COL14A1: variants seen among roughly 807,000 people sequenced by gnomAD.
COL14A1 encodes collagen type XIV alpha 1 chain.
Under a neutral mutation model 230.3 loss-of-function variants are expected in COL14A1, and 136 were observed. The observed-to-expected ratio is 0.59, with a 90% CI of 0.51 to 0.68. COL14A1 has a LOEUF of 0.68. Ranked by LOEUF, COL14A1 falls within the 30% of genes least tolerant of loss-of-function variation. The pLI, the probability that COL14A1 is intolerant of heterozygous loss-of-function variation, is 0.00. For missense variants in COL14A1, 1,976 were observed against 2,215.8 expected (o/e 0.89, Z 2.17); for synonymous variants, 792 against 784.1 (o/e 1.01, Z -0.17).
chr8:120,196,706 A>C (rs1817049724), intron 5 of COL14A1, 85 bp from the exon 6 acceptor site: 1 of 1,342,574 alleles, frequency 7.4e-7, no homozygotes, highest in African/African-American at 1.5e-5. Context: ...TCTTAGCACT[A>C]AGTTGTCTAA....
At chr8:120,231,812 A>G (rs1818276672) in intron 19 of COL14A1, 194 bp downstream of exon 19, 2 of 564,876 alleles carry the variant, frequency 3.5e-6, no homozygotes, top group East Asian at 3.0e-5. Flanking sequence ...AACTTGCTCC[A>G]TGTACAACTT....
At chr8:120,138,296 A>G (rs1365876175) in intron 1 of COL14A1, among the ~76,000 whole-genome samples, 2 of 152,136 alleles carry the variant, frequency 1.3e-5, no homozygotes, top group African/African-American at 4.8e-5. Flanking sequence ...AAATTCACAC[A>G]TATTTATGAT....
At chr8:120,228,428 T>C (rs1208851423) in intron 17 of COL14A1, among the ~76,000 whole-genome samples, 2 of 152,200 alleles carry the variant, frequency 1.3e-5, no homozygotes, top group Non-Finnish European at 2.9e-5. Context: ...TCAAAGTAAT[T>C]GGGTGGTTTC....
At chr8:120,138,132 A>G (rs1289919223) in intron 1 of COL14A1, among the ~76,000 whole-genome samples, 1 of 152,088 alleles carries the variant, frequency 6.6e-6, no homozygotes, top group Non-Finnish European at 1.5e-5. Context: ...ATATATCTAT[A>G]TACCGATATA....
intron 5 of COL14A1, among the ~76,000 whole-genome samples, chr8:120,178,831 A>G (rs1179369315): frequency 6.6e-6 from 1 of 152,106 alleles, no homozygotes; most frequent in East Asian, 1.9e-4. Context: ...ATGACCAATG[A>G]TGATGAGCTT....
At position 120,182,726 on chromosome 8, in the gene COL14A1, G is replaced by GGTTTTTTT. The variant is rs1554603200; in HGVS notation, c.437-14065_437-14064insGTTTTTTT. 5.4e-5 allele frequency among the ~76,000 whole-genome samples: 7 copies of GGTTTTTTT among 129,026 alleles called. 1 individual carries two copies. The highest frequency in any genetic ancestry group is 3.3e-5 in the Non-Finnish European group (2 of 60,848). 84.6% of individuals were successfully genotyped at this position (129,026 alleles called of 152,430 possible). ...AACTTAATTTTTTTTATTTTTCTTC[G>GGTTTTTTT]TTTTTTTTTTTTTTTTTTGAGGTGG... On this transcript the variant is annotated intron_variant, in intron 5 of 47. Coordinates refer to ENST00000297848, the MANE Select transcript of COL14A1 (RefSeq NM_021110.4).
At chr8:120,347,933 T>C (rs1449431879) in intron 45 of COL14A1, among the ~76,000 whole-genome samples, 1 of 152,178 alleles carries the variant, frequency 6.6e-6, no homozygotes, top group Admixed American at 6.5e-5. Flanking sequence ...ATATGGCTGT[T>C]GAGCATTCTG....
In COL14A1 at chr8:120,208,189, A is replaced by G. The variant is rs114998060; in HGVS notation, c.1192-43A>G. Reference sequence around the variant, plus strand: ...GCTTTTTGATTTCAATTCTGCGTGTAAGATATTCCATACTCTCATTACTCA... The same window carrying G: ...GCTTTTTGATTTCAATTCTGCGTGTGAGATATTCCATACTCTCATTACTCA... On this transcript the variant is annotated intron_variant, in intron 10 of 47. Transcript: ENST00000297848. The G allele has an allele frequency of 2.1e-3, 3,275 of 1,529,352 alleles. 68 individuals carry two copies. In the African/African-American group the frequency reaches 0.039, roughly 18 times the overall value. 94.7% of individuals were successfully genotyped at this position (1,529,352 alleles called of 1,614,324 possible).
At chr8:120,371,003 G>A in intron 47 of COL14A1, 149 bp from the exon 48 acceptor site, 2 of 1,053,810 alleles carry the variant, frequency 1.9e-6, no homozygotes, top group Non-Finnish European at 2.8e-6. Context: ...AACCTTATGG[G>A]GAAGGTACAA....
chr8:120,162,588 C>A lies in COL14A1; in HGVS notation c.349+19C>A. ...TTCAGAAGTACGTATTTACAGTTCTCAAAGCACCTCCGCAGGACTCTGTCC... is the reference window on the plus strand; with the variant it reads ...TTCAGAAGTACGTATTTACAGTTCTAAAAGCACCTCCGCAGGACTCTGTCC... On this transcript the variant is annotated intron_variant, in intron 4 of 47. Transcript: ENST00000297848. 1 of 1,589,940 alleles carries A rather than the reference C, an allele frequency of 6.3e-7. No individual in the cohort carries two copies. The highest frequency in any genetic ancestry group is 1.2e-5 in the South Asian group (1 of 85,612).
At chr8:120,141,742 G>A (rs188476398) in intron 1 of COL14A1, among the ~76,000 whole-genome samples, 157 of 152,214 alleles carry the variant, frequency 1.0e-3, no homozygotes, top group African/African-American at 3.6e-3. Flanking sequence ...CAAAACACTT[G>A]GATGCAGGAA....
intron 26 of COL14A1, among the ~76,000 whole-genome samples, chr8:120,272,614 A>G (rs1819703459): frequency 6.6e-6 from 1 of 151,308 alleles, no homozygotes; most frequent in South Asian, 2.1e-4. Flanking sequence ...TTCCATGCAA[A>G]TGGAAACCCA....
At chr8:120,218,970 A>G (rs935304372) in intron 14 of COL14A1, among the ~76,000 whole-genome samples, 9 of 152,026 alleles carry the variant, frequency 5.9e-5, no homozygotes, top group Admixed American at 1.3e-4. Context: ...ATTGTAGAGC[A>G]TCCTCCTTTG....
intron 34 of COL14A1, among the ~76,000 whole-genome samples, chr8:120,291,579 A>C (rs888560482): frequency 6.6e-6 from 1 of 150,964 alleles, no homozygotes; most frequent in Admixed American, 6.6e-5. Context: ...AAAAAAAAAA[A>C]AACCAAAAAA....
intron 8 of COL14A1, among the ~76,000 whole-genome samples, chr8:120,200,767 T>TATATATATA (rs1554606076): frequency 9.6e-6 from 1 of 104,222 alleles, no homozygotes; most frequent in Non-Finnish European, 2.1e-5. Flanking sequence ...ATATATATAT[T>TATATATATA]ATTTTTCATC....
At chr8:120,216,152 A>G (rs1205908916) in intron 13 of COL14A1, among the ~76,000 whole-genome samples, 199 bp from the exon 14 acceptor site, 1 of 152,158 alleles carries the variant, frequency 6.6e-6, no homozygotes, top group South Asian at 2.1e-4. Context: ...TTTATTCTCT[A>G]CAAAGAAAAC....
chr8:120,310,104 C>A, intron 37 of COL14A1, 42 bp downstream of exon 37: 1 of 1,597,338 alleles, frequency 6.3e-7, no homozygotes, highest in Non-Finnish European at 8.6e-7. Context: ...TCATCTCTCT[C>A]TCTCTCTCAT....
At chr8:120,153,244 G>A (rs575355770) in intron 2 of COL14A1, among the ~76,000 whole-genome samples, 5 of 152,182 alleles carry the variant, frequency 3.3e-5, no homozygotes, top group Non-Finnish European at 7.3e-5. Context: ...CCAGGCTGGA[G>A]TGCAGTGGTG....
rs1359420768 is a variant in COL14A1, at chr8:120,373,232, T to G, written c.*2001T>G. ...TGGCGAAGTATACACTATGAGAGAT[T>G]CTAATCCATTCACATCATTCTTGAG... On this transcript the variant is annotated 3_prime_UTR_variant, in exon 48 of 48. Transcript: ENST00000297848. Among the ~76,000 whole-genome samples the G allele has an allele frequency of 6.6e-6, 1 of 152,200 alleles. No individual in the cohort carries two copies. The highest frequency in any genetic ancestry group is 1.5e-5 in the Non-Finnish European group (1 of 68,038).
Sources: allele counts gnomAD v4.1 joint callset (sites outside exome capture counted in the v4.1 genomes callset), GRCh38; gene constraint gnomAD v4.1.1; transcripts MANE v1.5; gene names NCBI Gene and HGNC (gene_info 2026-07-23, HGNC 2026-07-21).